SIPA1L2: variants seen among roughly 807,000 people sequenced by gnomAD.
The protein encoded by SIPA1L2 is signal-induced proliferation-associated 1-like protein 2.
SIPA1L2 carries 56 observed loss-of-function variants against 163.9 expected under a neutral mutation model. The observed-to-expected ratio is 0.34, with a 90% CI of 0.28 to 0.43. SIPA1L2 has a LOEUF of 0.43. Among genes scored for constraint, SIPA1L2 ranks in the 20% least tolerant of loss-of-function variants. The probability of loss-of-function intolerance (pLI) is 1.00; values close to 1 mark genes in which losing one functional copy is unlikely to be tolerated. For missense variants in SIPA1L2, 1,974 were observed against 2,193.5 expected (o/e 0.90, Z 2.00); for synonymous variants, 877 against 865.7 (o/e 1.01, Z -0.23).
intron 2 of SIPA1L2, among the ~76,000 whole-genome samples, chr1:232,564,266 G>C (rs1246046370): frequency 8.6e-6 from 1 of 116,786 alleles, no homozygotes; most frequent in Non-Finnish European, 1.7e-5. Flanking sequence ...GTGTGTGTGT[G>C]TGTGTGTGTG....
chr1:232,421,477 A>G (rs1390903328), intron 18 of SIPA1L2, among the ~76,000 whole-genome samples: 4 of 152,204 alleles, frequency 2.6e-5, no homozygotes, highest in Non-Finnish European at 5.9e-5. Flanking sequence ...AGGTTTCACA[A>G]TTACACTTTT....
Position 232,415,503 on chromosome 1 carries a change from C to T in SIPA1L2, c.4753G>A (p.Ala1585Thr), listed in dbSNP as rs1661193466. 1.2e-6 allele frequency: 2 copies of T among 1,610,446 alleles called. No homozygotes were observed. Among genetic ancestry groups the T allele is most frequent in the Admixed American group, 1.7e-5 (1 of 59,226 alleles). Reference sequence around the variant, plus strand: ...GCTGGTGAGTCTTTACCTTCAAATGCCCGTGCAGCATCCACGAGGTGGGTC... The same window carrying T: ...GCTGGTGAGTCTTTACCTTCAAATGTCCGTGCAGCATCCACGAGGTGGGTC... ...DWTHLVDAARAFEGLDSDEEL... is the reference protein window; with the variant it reads ...DWTHLVDAARTFEGLDSDEEL... Residue 1585 changes from alanine to threonine, a missense_variant, in exon 19 of 23, where the codon GCA becomes ACA. Physicochemically the swap from Ala to Thr is moderately conservative, Grantham distance 58 (BLOSUM62 0). This residue lies in a region of SIPA1L2 where 1,079 missense variants were observed against 1,150.7 expected (regional missense o/e 0.94). Transcript: ENST00000674635.
intron 1 of SIPA1L2, among the ~76,000 whole-genome samples, chr1:232,607,986 C>T (rs1358999979): frequency 7.8e-6 from 1 of 128,272 alleles, no homozygotes; most frequent in Non-Finnish European, 1.6e-5. Flanking sequence ...ACTGGGGAGG[C>T]GGAGGTTGCG....
chr1:232,563,467 C>T (rs112940542), intron 2 of SIPA1L2, among the ~76,000 whole-genome samples: 138 of 152,226 alleles, frequency 9.1e-4, no homozygotes, highest in African/African-American at 3.2e-3. Context: ...TACACTGCCA[C>T]GCTTAAGAGA....
At chr1:232,432,616 T>C in intron 15 of SIPA1L2, 145 bp from the exon 16 acceptor site, 1 of 693,560 alleles carries the variant, frequency 1.4e-6, no homozygotes, top group Non-Finnish European at 2.4e-6. Context: ...GCCTTCTTTC[T>C]ACCATGGAGC....
chr1:232,417,102 G>A (rs528963123), intron 18 of SIPA1L2, among the ~76,000 whole-genome samples: 2 of 152,192 alleles, frequency 1.3e-5, no homozygotes, highest in African/African-American at 4.8e-5. Context: ...GTTAAGTAAG[G>A]GGGCATAATT....
At chr1:232,613,733 T>C (rs1026988938) in intron 1 of SIPA1L2, among the ~76,000 whole-genome samples, 2 of 152,132 alleles carry the variant, frequency 1.3e-5, no homozygotes, top group African/African-American at 4.8e-5. Context: ...ATGCCAAAAA[T>C]GTTGTAATGT....
chr1:232,415,686 T>C lies in SIPA1L2; in HGVS notation c.4631-61A>G, dbSNP rs1011855306. On this transcript the variant is annotated intron_variant, in intron 18 of 22. Coordinates refer to ENST00000674635, the MANE Select transcript of SIPA1L2 (RefSeq NM_020808.5). ...TCACAGCACGGGCACCAGCCCAGAG[T>C]GAGTCAGAACATGGGCACCACTGCC... 5 of 1,606,310 alleles carry C rather than the reference T, an allele frequency of 3.1e-6. No homozygotes were observed. The Admixed American group carries it at 8.4e-5, about 27-fold the overall frequency.
chr1:232,538,339 C>G (rs1352765988), intron 2 of SIPA1L2, among the ~76,000 whole-genome samples: 3 of 152,086 alleles, frequency 2.0e-5, no homozygotes, highest in Non-Finnish European at 4.4e-5. Flanking sequence ...CTACAAACAC[C>G]CACTTCTCTT....
At chr1:232,590,789 G>A (rs1353469274) in intron 1 of SIPA1L2, among the ~76,000 whole-genome samples, 1 of 152,194 alleles carries the variant, frequency 6.6e-6, no homozygotes, top group African/African-American at 2.4e-5. Context: ...ACCAAAGTCA[G>A]TCATATCGAA....
chr1:232,601,521 T>TTA (rs1034552491), intron 1 of SIPA1L2, among the ~76,000 whole-genome samples: 2 of 152,234 alleles, frequency 1.3e-5, no homozygotes, highest in Admixed American at 6.5e-5. Context: ...TGATGATTAA[T>TTA]TATAGCCCAT....
intron 1 of SIPA1L2, among the ~76,000 whole-genome samples, chr1:232,591,660 A>T (rs1306170319): frequency 6.6e-6 from 1 of 152,206 alleles, no homozygotes; most frequent in Non-Finnish European, 1.5e-5. Context: ...TCAGTTTTCT[A>T]GTCTCCTTAG....
Position 232,528,078 on chromosome 1 carries a change from T to A in SIPA1L2, c.-269-12470A>T, listed in dbSNP as rs965027922. 2.1e-3 allele frequency among the ~76,000 whole-genome samples: 203 copies of A among 96,044 alleles called. 3 individuals carry two copies. Among genetic ancestry groups the A allele is most frequent in the Non-Finnish European group, 3.0e-3 (146 of 48,428 alleles). The allele number at this position is 96,044 out of a possible 152,430, so 63.0% of individuals were successfully genotyped here. On this transcript the variant is annotated intron_variant, in intron 2 of 22. Transcript: ENST00000674635. ...TCTCTTGTTAGCAAGTAAGCAAGTT[T>A]TATATATATATATATATATATATAA...
intron 18 of SIPA1L2, among the ~76,000 whole-genome samples, chr1:232,418,575 C>T (rs930998618): frequency 3.9e-5 from 6 of 152,210 alleles, no homozygotes; most frequent in East Asian, 1.9e-4. Flanking sequence ...CTACCCCCTA[C>T]GCAATGCATG....
intron 5 of SIPA1L2, among the ~76,000 whole-genome samples, chr1:232,485,609 A>G (rs774781886): frequency 1.1e-4 from 16 of 152,198 alleles, no homozygotes; most frequent in Admixed American, 3.3e-4. Flanking sequence ...CTCAGAAGAC[A>G]TTTCAGGGTC....
intron 2 of SIPA1L2, among the ~76,000 whole-genome samples, chr1:232,571,180 T>C (rs1355421870): frequency 1.3e-5 from 2 of 152,134 alleles, no homozygotes; most frequent in East Asian, 3.8e-4. Flanking sequence ...GCAAAACAAA[T>C]ACAAGTGGTC....
chr1:232,447,849 T>G (rs993577352), intron 10 of SIPA1L2, among the ~76,000 whole-genome samples: 2 of 152,214 alleles, frequency 1.3e-5, no homozygotes, highest in African/African-American at 4.8e-5. Flanking sequence ...CTTTAACAGA[T>G]TAAAAATACT....
rs556401884 is a variant in SIPA1L2 at position 232,527,348 on chromosome 1, A to G, written c.-269-11740T>C. Among the ~76,000 whole-genome samples, 77 of 152,314 alleles carry G rather than the reference A, an allele frequency of 5.1e-4. No individual in the cohort carries two copies. The South Asian group carries it at 8.7e-3, about 17-fold the overall frequency. ...TTCCTGGAAACTCAAATCCAGGAGT[A>G]ATGCTAGGATCAATCCTCAAGAAAT... On this transcript the variant is annotated intron_variant, in intron 2 of 22. Transcript: ENST00000674635.
chr1:232,595,230 T>C (rs1661191985), intron 1 of SIPA1L2, among the ~76,000 whole-genome samples: 1 of 152,128 alleles, frequency 6.6e-6, no homozygotes, highest in Non-Finnish European at 1.5e-5. Context: ...ACCAACTCTC[T>C]CATGCATACA....
Sources: allele counts gnomAD v4.1 joint callset (sites outside exome capture counted in the v4.1 genomes callset), GRCh38; gene constraint gnomAD v4.1.1; regional missense constraint gnomAD v4.1.1; transcripts MANE v1.5; gene names NCBI Gene and HGNC (gene_info 2026-07-23, HGNC 2026-07-21).